The following RBFOX1 variants were observed in gnomAD, a reference collection of about 807,000 sequenced individuals.
RBFOX1 encodes the protein RNA binding protein fox-1 homolog 1.
A neutral mutation model predicts 57.7 loss-of-function variants in RBFOX1; 8 were observed. The observed-to-expected ratio is 0.14, with a 90% CI of 0.08 to 0.25. The LOEUF (loss-of-function observed/expected upper bound fraction) is 0.25, where lower values mean the gene tolerates loss of function less well. Among genes scored for constraint, RBFOX1 ranks in the 10% least tolerant of loss-of-function variants. RBFOX1 has a pLI of 1.00. For missense variants in RBFOX1, 611 were observed against 548.5 expected, an observed-to-expected ratio of 1.11 and a Z score of -1.14; for synonymous variants, 326 against 222.4, an observed-to-expected ratio of 1.47 and a Z score of -4.15.
intron 3 of RBFOX1, among the ~76,000 whole-genome samples, chr16:5,693,685 TTAAA>T (rs2050763689): frequency 6.6e-6 from 1 of 152,264 alleles, no homozygotes; most frequent in South Asian, 2.1e-4. Context: ...GCCAGTTAAA[TTAAA>T]TAATCTTAAA....
intron 1 of RBFOX1, among the ~76,000 whole-genome samples, chr16:6,111,589 G>C (rs894452553): frequency 6.6e-6 from 1 of 152,200 alleles, no homozygotes; most frequent in African/African-American, 2.4e-5. Flanking sequence ...TATGGCTTTT[G>C]ACAAATGTGT....
intron 6 of RBFOX1, among the ~76,000 whole-genome samples, chr16:7,581,652 G>A (rs1450680556): frequency 6.6e-6 from 1 of 152,078 alleles, no homozygotes; most frequent in Non-Finnish European, 1.5e-5. Context: ...AGACGGCAAG[G>A]AGCAAGATCT....
intron 5 of RBFOX1, among the ~76,000 whole-genome samples, chr16:7,567,183 A>AT (rs369126572): frequency 2.0e-3 from 284 of 142,808 alleles, no homozygotes; most frequent in Non-Finnish European, 2.7e-3. Context: ...ATCCCTATAT[A>AT]AATATCCATA....
At chr16:7,412,926 C>T (rs1471143668) in intron 4 of RBFOX1, among the ~76,000 whole-genome samples, 1 of 152,164 alleles carries the variant, frequency 6.6e-6, no homozygotes, top group Non-Finnish European at 1.5e-5. Flanking sequence ...CCTGCAGTCC[C>T]AGCTACTCGG....
intron 4 of RBFOX1, among the ~76,000 whole-genome samples, chr16:7,214,358 G>A (rs1034572208): frequency 2.6e-5 from 4 of 152,088 alleles, no homozygotes; most frequent in Non-Finnish European, 4.4e-5. Context: ...TTTAGCAGAT[G>A]GCATGATCGG....
intron 1 of RBFOX1, among the ~76,000 whole-genome samples, chr16:5,390,937 C>T (rs575085805): frequency 6.6e-6 from 1 of 152,238 alleles, no homozygotes; most frequent in African/African-American, 2.4e-5. Flanking sequence ...GCCAGTGGTG[C>T]GTTTGGGGGC....
intron 14 of RBFOX1, among the ~76,000 whole-genome samples, chr16:7,693,838 A>G (rs1440471313): frequency 6.6e-6 from 1 of 152,180 alleles, no homozygotes; most frequent in Non-Finnish European, 1.5e-5. Context: ...TCGAGAATAT[A>G]ATTATCTCTG....
chr16:6,242,630 ACACAC>A (rs1567756267), intron 1 of RBFOX1, among the ~76,000 whole-genome samples: 46 of 35,016 alleles, frequency 1.3e-3, no homozygotes, highest in Non-Finnish European at 1.4e-3. Context: ...TTTATTGCAA[ACACAC>A]ACACACACAC....
At chr16:5,289,180 A>T (rs1596405468) in intron 1 of RBFOX1, 1 of 270,798 alleles carries the variant, frequency 3.7e-6, no homozygotes, top group East Asian at 7.7e-5. Flanking sequence ...TGATGTAATG[A>T]GGCCTCCCCT....
intron 3 of RBFOX1, among the ~76,000 whole-genome samples, chr16:6,724,650 T>C (rs1384087465): frequency 1.3e-5 from 2 of 152,196 alleles, no homozygotes; most frequent in Non-Finnish European, 2.9e-5. Context: ...AATTTTGTTA[T>C]AGCAGCCCGA....
intron 4 of RBFOX1, among the ~76,000 whole-genome samples, chr16:5,874,034 C>T (rs1193539485): frequency 2.6e-5 from 4 of 152,158 alleles, no homozygotes; most frequent in Admixed American, 2.0e-4. Flanking sequence ...CCAGCATCCT[C>T]ATGGAAATCA....
At chr16:6,589,800 G>A (rs1162049291) in intron 2 of RBFOX1, among the ~76,000 whole-genome samples, 2 of 152,196 alleles carry the variant, frequency 1.3e-5, no homozygotes, top group African/African-American at 4.8e-5. Context: ...TTCAGCCTAT[G>A]CCCATAAATG....
chr16:5,987,647 G>C (rs2060308624), intron 4 of RBFOX1, among the ~76,000 whole-genome samples: 1 of 152,096 alleles, frequency 6.6e-6, no homozygotes, highest in Non-Finnish European at 1.5e-5. Context: ...AGGCTGTAGG[G>C]CACTATCATC....
At chr16:5,960,183 A>C (rs1374042290) in intron 4 of RBFOX1, among the ~76,000 whole-genome samples, 1 of 152,238 alleles carries the variant, frequency 6.6e-6, no homozygotes, top group Non-Finnish European at 1.5e-5. Context: ...CCTGGGCAAC[A>C]GAGTGAGACT....
chr16:6,199,146 T>C (rs936341969), intron 1 of RBFOX1, among the ~76,000 whole-genome samples: 1 of 152,198 alleles, frequency 6.6e-6, no homozygotes, highest in African/African-American at 2.4e-5. Flanking sequence ...AAAATATTCA[T>C]TTACTTTTTG....
rs140413017 is a variant in RBFOX1 at position 6,386,530 on chromosome 16, A to G, written c.-64+69473A>G. The stretch of plus-strand genomic sequence containing the variant: ...ATGATTCCTGCACCTTTTCGAGCTT[A>G]TATTTGGTGGAAAGGATAGAAAAAG... On this transcript the variant is annotated intron_variant, in intron 2 of 15. Transcript: ENST00000550418. 3.9e-3 allele frequency among the ~76,000 whole-genome samples: 599 copies of G among 152,302 alleles called. 16 individuals carry two copies. Among genetic ancestry groups the G allele is most frequent in the Admixed American group, 0.03 (456 of 15,302 alleles).
intron 3 of RBFOX1, among the ~76,000 whole-genome samples, chr16:5,665,356 C>G (rs2049806243): frequency 6.6e-6 from 1 of 152,094 alleles, no homozygotes. Flanking sequence ...CCAGGTTTGG[C>G]TTTAAGGACA....
At chr16:5,630,806 G>C (rs988386862) in intron 3 of RBFOX1, among the ~76,000 whole-genome samples, 1 of 152,198 alleles carries the variant, frequency 6.6e-6, no homozygotes, top group African/African-American at 2.4e-5. Context: ...CAATGAGGGA[G>C]ATAGAGTGTG....
chr16:5,942,350 G>A (rs1012809810), intron 4 of RBFOX1, among the ~76,000 whole-genome samples: 2 of 152,188 alleles, frequency 1.3e-5, no homozygotes, highest in African/African-American at 4.8e-5. Context: ...CATATGCTGA[G>A]TCTGCTTCTG....
Sources: gnomAD v4.1 joint callset for allele counts (sites outside exome capture counted in the v4.1 genomes callset) on GRCh38, gnomAD v4.1.1 for gene constraint, MANE v1.5 for transcripts, NCBI Gene and HGNC (gene_info 2026-07-23, HGNC 2026-07-21) for gene names.